ADRA1B: variants seen among roughly 807,000 people sequenced by gnomAD.
The protein encoded by ADRA1B is alpha-1B adrenergic receptor.
In ADRA1B, 17 loss-of-function variants were observed where a neutral mutation model predicts 17.9. That is an observed-to-expected ratio of 0.95 (90% confidence interval 0.65 to 1.42). ADRA1B has a LOEUF of 1.42. ADRA1B is among the 40% of genes most tolerant of loss of function. The pLI is 0.00. For synonymous variants in ADRA1B, 366 were observed against 327.6 expected (o/e 1.12, Z -1.27); for missense variants, 681 against 722.1 (o/e 0.94, Z 0.65).
chr5:159,930,193 T>G (rs756206682), intron 1 of ADRA1B, among the ~76,000 whole-genome samples: 28 of 152,384 alleles, frequency 1.8e-4, no homozygotes, highest in Middle Eastern at 6.8e-3. Flanking sequence ...TGAATACTCT[T>G]GTATATATGT....
chr5:159,976,166 C>G (rs1490687688), downstream of ADRA1B, among the ~76,000 whole-genome samples: 2 of 152,154 alleles, frequency 1.3e-5, no homozygotes, highest in African/African-American at 4.8e-5. Flanking sequence ...GACACCATGC[C>G]AGGCACTTGG....
rs763758388 is a variant in ADRA1B at position 159,972,317 on chromosome 5, G to T, written c.1388G>T (p.Gly463Val). ...LLSLPAPEPP[G>V]RRGRHDSGPL... Reference sequence around the variant, plus strand: ...AGCCTGCCCGCGCCTGAGCCCCCCGGCCGCCGCGGCCGCCACGACTCGGGC... The same window carrying T: ...AGCCTGCCCGCGCCTGAGCCCCCCGTCCGCCGCGGCCGCCACGACTCGGGC... The change falls in exon 2 of 2, where the codon GGC (glycine) becomes GTC (valine). Residue 463 changes from glycine to valine, a missense_variant. Physicochemically the swap from Gly to Val is moderately radical, Grantham distance 109. Coordinates refer to ENST00000306675, the MANE Select transcript of ADRA1B (RefSeq NM_000679.4). The T allele has an allele frequency of 7.0e-7, 1 of 1,432,442 alleles. No individual in the cohort carries two copies. The highest frequency in any genetic ancestry group is 1.4e-5 in the South Asian group (1 of 70,942). The allele number at this position is 1,432,442 out of a possible 1,614,324, so 88.7% of individuals were successfully genotyped here.
chr5:159,962,796 G>C (rs915409641), intron 1 of ADRA1B, among the ~76,000 whole-genome samples: 2 of 142,196 alleles, frequency 1.4e-5, no homozygotes, highest in African/African-American at 5.3e-5. Flanking sequence ...TCAGCCTCCC[G>C]AGTAGCTGGT....
At chr5:159,957,367 G>A (rs1245760072) in intron 1 of ADRA1B, among the ~76,000 whole-genome samples, 1 of 151,480 alleles carries the variant, frequency 6.6e-6, no homozygotes, top group Non-Finnish European at 1.5e-5. Flanking sequence ...TTAGCTGGGT[G>A]CCATTGTGCG....
chr5:159,902,799 A>G (rs1025746438), intron 1 of ADRA1B, among the ~76,000 whole-genome samples: 2 of 152,234 alleles, frequency 1.3e-5, no homozygotes, highest in African/African-American at 2.4e-5. Flanking sequence ...TGTGGAAAAC[A>G]CCTGCCTTTT....
chr5:159,905,128 GA>G (rs1251186008), intron 1 of ADRA1B, among the ~76,000 whole-genome samples: 3 of 152,238 alleles, frequency 2.0e-5, no homozygotes, highest in Non-Finnish European at 1.5e-5. Flanking sequence ...CAAAAGGTTA[GA>G]AAAGGTCAGA....
chr5:159,914,156 T>A (rs1754255405), upstream of ADRA1B, among the ~76,000 whole-genome samples: 1 of 152,116 alleles, frequency 6.6e-6, no homozygotes, highest in Non-Finnish European at 1.5e-5. Flanking sequence ...AGCTACGGGA[T>A]CTCAAAGATC....
chr5:159,953,424 C>T (rs1755485553), intron 1 of ADRA1B, among the ~76,000 whole-genome samples: 1 of 152,112 alleles, frequency 6.6e-6, no homozygotes, highest in Non-Finnish European at 1.5e-5. Flanking sequence ...CAAACTATCC[C>T]CACCACACAT....
At chr5:159,988,857 A>T in the ADRA1B span, among the ~76,000 whole-genome samples, 1 of 152,208 alleles carries the variant, frequency 6.6e-6, no homozygotes. Context: ...ATATGCACCT[A>T]TATTCCTAGC....
At chr5:159,941,390 T>A (rs544612645) in intron 1 of ADRA1B, among the ~76,000 whole-genome samples, 11 of 152,352 alleles carry the variant, frequency 7.2e-5, no homozygotes, top group African/African-American at 2.4e-4. Context: ...CCCACGAACA[T>A]GTTCTTCCTT....
intron 1 of ADRA1B, among the ~76,000 whole-genome samples, chr5:159,889,596 G>A (rs1753960718): frequency 6.6e-6 from 1 of 152,178 alleles, no homozygotes; most frequent in Non-Finnish European, 1.5e-5. Context: ...CCATCCTGAT[G>A]GCGAAGTAGC....
intron 1 of ADRA1B, among the ~76,000 whole-genome samples, chr5:159,918,261 G>T (rs902869804): frequency 2.6e-5 from 4 of 152,254 alleles, no homozygotes; most frequent in African/African-American, 9.6e-5. Context: ...TGCAGACGCG[G>T]CATTTGGGAA....
At chr5:159,888,193 C>G (rs1165053295) in intron 1 of ADRA1B, 1 of 152,084 alleles carries the variant, frequency 6.6e-6, no homozygotes, top group Non-Finnish European at 1.5e-5. Flanking sequence ...CAAACATACA[C>G]TTCAAATATT....
intron 1 of ADRA1B, among the ~76,000 whole-genome samples, chr5:159,866,125 A>G (rs958386308): frequency 5.3e-5 from 8 of 151,666 alleles, no homozygotes; most frequent in African/African-American, 1.9e-4. Context: ...AGCATAGTGA[A>G]ACCTCATATC....
intron 1 of ADRA1B, among the ~76,000 whole-genome samples, chr5:159,946,155 G>T: frequency 6.6e-6 from 1 of 152,312 alleles, no homozygotes; most frequent in African/African-American, 2.4e-5. Context: ...GTCCAGAAGA[G>T]ATGATGGTAA....
chr5:159,938,988 A>G (rs1470422027), intron 1 of ADRA1B, among the ~76,000 whole-genome samples: 1 of 152,114 alleles, frequency 6.6e-6, no homozygotes, highest in African/African-American at 2.4e-5. Flanking sequence ...AGGTCCCACC[A>G]CTCTTAGGAA....
At chr5:159,873,432 C>A (rs374479016) in intron 1 of ADRA1B, among the ~76,000 whole-genome samples, 1 of 152,184 alleles carries the variant, frequency 6.6e-6, no homozygotes, top group South Asian at 2.1e-4. Flanking sequence ...CTGCAGAGAG[C>A]CACCTTGCCC....
At chr5:159,978,613 T>G in the ADRA1B span, among the ~76,000 whole-genome samples, 9 of 152,194 alleles carry the variant, frequency 5.9e-5, 1 homozygote, top group Admixed American at 3.9e-4. Context: ...TCACTCCAGC[T>G]TTTGTTCTCC....
chr5:159,874,041 C>A (rs1753777584), intron 1 of ADRA1B, among the ~76,000 whole-genome samples: 2 of 152,140 alleles, frequency 1.3e-5, no homozygotes, highest in Admixed American at 1.3e-4. Flanking sequence ...GGAACAGAAA[C>A]ACAACCTAAC....
Sources: gnomAD v4.1 joint callset for allele counts (sites outside exome capture counted in the v4.1 genomes callset) on GRCh38, gnomAD v4.1.1 for gene constraint, MANE v1.5 for transcripts, NCBI Gene and HGNC (gene_info 2026-07-23, HGNC 2026-07-21) for gene names.